NOD1: variants seen among roughly 807,000 people sequenced by gnomAD.
NOD1 encodes the protein nucleotide binding oligomerization domain containing 1.
In NOD1, 70 loss-of-function variants were observed where a neutral mutation model predicts 81.2. The ratio of observed to expected loss-of-function variants is 0.86; its 90% CI spans 0.71 to 1.05. The LOEUF is 1.05. Among genes scored for constraint, NOD1 ranks in the 50% least tolerant of loss-of-function variants. The pLI is 0.00. For synonymous variants in NOD1, 508 were observed against 526.9 expected, an observed-to-expected ratio of 0.96 and a Z score of 0.49; for missense variants, 1,233 against 1,228.0, an observed-to-expected ratio of 1.00 and a Z score of -0.06.
At chr7:30,427,908 A>AACTT (rs1278741808) in intron 13 of NOD1, among the ~76,000 whole-genome samples, 1 of 152,102 alleles carries the variant, frequency 6.6e-6, no homozygotes, top group Non-Finnish European at 1.5e-5. Flanking sequence ...CTGTCCTCAA[A>AACTT]ACTTAAGAAT....
intron 1 of NOD1, among the ~76,000 whole-genome samples, chr7:30,477,681 A>AT (rs35530986): frequency 0.014 from 1,961 of 136,250 alleles, 20 homozygotes; most frequent in South Asian, 0.024. Flanking sequence ...CGCCCGGTTA[A>AT]TTTTTTTTTT....
At chr7:30,426,224 G>C (rs557119010) in intron 13 of NOD1, among the ~76,000 whole-genome samples, 1 of 152,156 alleles carries the variant, frequency 6.6e-6, no homozygotes, top group East Asian at 1.9e-4. Flanking sequence ...CGTGGAGGCA[G>C]TTACCTGCTT....
At chr7:30,446,058 A>T in intron 9 of NOD1, 83 bp downstream of exon 9, 1 of 1,018,900 alleles carries the variant, frequency 9.8e-7, no homozygotes, top group Non-Finnish European at 1.6e-6. Context: ...CTTCTGGTGT[A>T]CTGATGTATG....
intron 9 of NOD1, among the ~76,000 whole-genome samples, chr7:30,439,302 C>G (rs972635508): frequency 7.1e-6 from 1 of 140,978 alleles, no homozygotes; most frequent in Admixed American, 6.8e-5. Context: ...CCAGCGTGAG[C>G]GACGCAGAAG....
At position 30,451,420 on chromosome 7, in the gene NOD1, T is replaced by C. The variant is rs1396694455; in HGVS notation, c.1997A>G (p.Lys666Arg). 6.2e-7 allele frequency: 1 copy of C among 1,613,932 alleles called. No homozygotes were observed. Among genetic ancestry groups the C allele is most frequent in the Admixed American group, 1.7e-5 (1 of 60,020 alleles). Reference protein sequence around the residue: ...LRCIYETQSQKVGQLAARGIC... With the variant: ...LRCIYETQSQRVGQLAARGIC... ...GCCCCTGGCCGCCAGCTGCCCCACC[T>C]TCTGGCTCTGTGTCTCGTAGATGCA... is the stretch of plus-strand genomic sequence containing the variant. The change falls in exon 6 of 14, where the codon AAG becomes AGG. Residue 666 changes from lysine (K) to arginine (R), a missense_variant. Lys to Arg is a conservative substitution (Grantham distance 26). Transcript: ENST00000222823. The surrounding 1 kb of genome is among the most constrained non-coding windows in gnomAD (Gnocchi z 4.2).
chr7:30,433,307 G>A (rs1784105247), intron 11 of NOD1, 128 bp from the exon 12 acceptor site: 1 of 684,026 alleles, frequency 1.5e-6, no homozygotes, highest in Admixed American at 2.8e-5. Flanking sequence ...TGAGAACCCA[G>A]AAAACAGCCA....
intron 9 of NOD1, among the ~76,000 whole-genome samples, chr7:30,439,082 T>C (rs141149625): frequency 6.2e-4 from 94 of 152,026 alleles, no homozygotes; most frequent in African/African-American, 2.2e-3. Context: ...AAAGAGAAAA[T>C]AGCAAGTGTT....
intron 6 of NOD1, among the ~76,000 whole-genome samples, chr7:30,448,906 C>T (rs1785398990): frequency 6.6e-6 from 1 of 152,206 alleles, no homozygotes; most frequent in African/African-American, 2.4e-5. Context: ...CATCCAGAAA[C>T]ACATGGGCTA....
intron 1 of NOD1, chr7:30,468,910 A>C (rs1171325628): frequency 2.0e-6 from 2 of 985,342 alleles, no homozygotes; most frequent in African/African-American, 3.5e-5. Context: ...TGTGGTGATG[A>C]CGTGAACAAC....
At position 30,467,578 on chromosome 7, in the gene NOD1, GATGTTAAGACTTTCTGTGCACCTGT is replaced by G. The variant is rs1787826779; in HGVS notation, c.-351-7562_-351-7538del. On this transcript the variant is annotated intron_variant, in intron 1 of 13. Transcript: ENST00000222823. This position sits in a 1 kb window ranked among gnomAD's most constrained non-coding sequence, Gnocchi z 4.5. ...ATTAAGACCAAACAAACTCAGATGA[GATGTTAAGACTTTCTGTGCACCTGT>G]AAATCAATAAAAAGCTCTTCCTGTT... is the stretch of plus-strand genomic sequence containing the variant. Among the ~76,000 whole-genome samples the G allele has an allele frequency of 1.3e-5, 2 of 152,286 alleles. No homozygotes were observed. Among genetic ancestry groups the G allele is most frequent in the South Asian group, 4.1e-4 (2 of 4,820 alleles).
intron 1 of NOD1, chr7:30,469,037 G>A (rs376327406): frequency 1.6e-5 from 16 of 985,292 alleles, no homozygotes; most frequent in African/African-American, 8.7e-5. Flanking sequence ...AGAGCTGCAC[G>A]GAGAACACAT....
intron 9 of NOD1, among the ~76,000 whole-genome samples, chr7:30,445,261 TAAA>T (rs1200166279): frequency 1.5e-4 from 3 of 19,532 alleles, no homozygotes; most frequent in Admixed American, 5.8e-4. Context: ...TAGAGTATAA[TAAA>T]AAAAAAAAGA....
Position 30,433,160 on chromosome 7 carries a change from T to C in NOD1, c.2641A>G (p.Asn881Asp). The change falls in exon 12 of 14, where the codon AAC becomes GAC. Residue 881 changes from asparagine (N) to aspartate (D), a missense_variant. Physicochemically the swap from Asn to Asp is conservative, Grantham distance 23. Transcript: ENST00000222823. ...EILWLTQNEL[N>D]DEVAESLAEM... is the part of the protein sequence containing the mutation. ...GCCAAACTCTCTGCCACTTCATCGT[T>C]GAGTTCATTTTGGGTCAGCCTAAGG... 1 of 1,614,006 alleles carries C rather than the reference T, an allele frequency of 6.2e-7. No homozygotes were observed. The highest frequency in any genetic ancestry group is 8.5e-7 in the Non-Finnish European group (1 of 1,179,832).
At chr7:30,430,614 C>T (rs1337764838) in intron 12 of NOD1, among the ~76,000 whole-genome samples, 2 of 152,232 alleles carry the variant, frequency 1.3e-5, no homozygotes, top group Non-Finnish European at 2.9e-5. Flanking sequence ...TAAACCCTCC[C>T]TCCCCACTGT....
chr7:30,462,321 A>G (rs1427203431), intron 1 of NOD1, among the ~76,000 whole-genome samples: 1 of 152,126 alleles, frequency 6.6e-6, no homozygotes, highest in Non-Finnish European at 1.5e-5. Flanking sequence ...AAGTCTCTGG[A>G]AAGTCCTTTG....
At chr7:30,449,237 C>T (rs1381928380) in intron 6 of NOD1, among the ~76,000 whole-genome samples, 3 of 152,140 alleles carry the variant, frequency 2.0e-5, no homozygotes, top group Non-Finnish European at 4.4e-5. Context: ...CACTCTGGAC[C>T]CTTTCCCTCA....
chr7:30,463,582 C>G (rs1190644974), intron 1 of NOD1: 1 of 152,508 alleles, frequency 6.6e-6, no homozygotes, highest in Non-Finnish European at 1.5e-5. Context: ...TGGGGTGGCC[C>G]CAGAGAAACC....
chr7:30,425,522 T>C lies in NOD1; in HGVS notation c.*116A>G. 3 of 764,740 alleles carry C rather than the reference T, an allele frequency of 3.9e-6. No individual in the cohort carries two copies. Among genetic ancestry groups the C allele is most frequent in the South Asian group, 3.0e-5 (2 of 66,570 alleles). 47.4% of individuals were successfully genotyped at this position (764,740 alleles called of 1,614,324 possible). Reference sequence around the variant, plus strand: ...GGCTTGCATCATGGAGGCAGTGGACTCCTGATAGTCCCGCCTGCGCAGGCC... The same window carrying C: ...GGCTTGCATCATGGAGGCAGTGGACCCCTGATAGTCCCGCCTGCGCAGGCC... On this transcript the variant is annotated 3_prime_UTR_variant, in exon 14 of 14. Coordinates refer to ENST00000222823, the MANE Select transcript of NOD1 (RefSeq NM_006092.4).
intron 13 of NOD1, 45 bp downstream of exon 13, chr7:30,429,329 A>G (rs1363682233): frequency 6.6e-7 from 1 of 1,504,922 alleles, no homozygotes; most frequent in Non-Finnish European, 9.3e-7. Context: ...GGTGGTGAGT[A>G]AACAGTCACT....
Sources: gnomAD v4.1 joint callset for allele counts (sites outside exome capture counted in the v4.1 genomes callset) on GRCh38, gnomAD v4.1.1 for gene constraint, Gnocchi (gnomAD v3.1) non-coding constraint, MANE v1.5 for transcripts, NCBI Gene and HGNC (gene_info 2026-07-23, HGNC 2026-07-21) for gene names.